DPP6: variants seen among roughly 807,000 people sequenced by gnomAD.
DPP6 encodes dipeptidyl peptidase like 6, also known as A-type potassium channel modulatory protein DPP6.
A neutral mutation model predicts 122.6 loss-of-function variants in DPP6; 69 were observed. That is an observed-to-expected ratio of 0.56 (90% CI 0.46 to 0.69). DPP6 has a LOEUF of 0.69. Among genes scored for constraint, DPP6 ranks in the 30% least tolerant of loss-of-function variants. The pLI, the probability that DPP6 is intolerant of heterozygous loss-of-function variation, is 0.00. For missense variants in DPP6, 928 were observed against 1,116.9 expected, an observed-to-expected ratio of 0.83 and a Z score of 2.41; for synonymous variants, 418 against 433.1, an observed-to-expected ratio of 0.97 and a Z score of 0.43.
intron 1 of DPP6, among the ~76,000 whole-genome samples, chr7:154,280,248 C>T (rs12703339): frequency 0.27 from 40,512 of 152,004 alleles, 5,686 homozygotes; most frequent in Non-Finnish European, 0.31. Context: ...AAAATGCAAA[C>T]GTCACTTGTA....
chr7:154,024,753 C>A (rs199754463), intron 1 of DPP6, among the ~76,000 whole-genome samples: 27 of 150,288 alleles, frequency 1.8e-4, no homozygotes, highest in Middle Eastern at 3.4e-3. Flanking sequence ...GTCCGAGCAG[C>A]GGGGCTTGTC....
intron 10 of DPP6, among the ~76,000 whole-genome samples, chr7:154,787,541 C>T (rs1043470446): frequency 6.6e-6 from 1 of 152,192 alleles, no homozygotes; most frequent in African/African-American, 2.4e-5. Context: ...AATCCCCTGT[C>T]CCTATGCTTC....
chr7:154,579,800 A>G (rs1004856641), intron 5 of DPP6, among the ~76,000 whole-genome samples: 4 of 152,140 alleles, frequency 2.6e-5, no homozygotes, highest in Non-Finnish European at 4.4e-5. Context: ...TGGTTTCTGA[A>G]CTGTGGGAAC....
chr7:154,044,036 C>A (rs1017231504), intron 1 of DPP6, among the ~76,000 whole-genome samples: 2 of 150,770 alleles, frequency 1.3e-5, no homozygotes, highest in African/African-American at 2.4e-5. Context: ...CAAACAGGAC[C>A]CACCTCATCC....
At chr7:154,848,507 G>A (rs1414024163) in intron 16 of DPP6, among the ~76,000 whole-genome samples, 6 of 152,100 alleles carry the variant, frequency 3.9e-5, no homozygotes, top group Non-Finnish European at 7.4e-5. Context: ...TTTTAATAGG[G>A]TTGTTTGTTT....
At chr7:154,336,851 CG>C (rs1156546306) in intron 1 of DPP6, among the ~76,000 whole-genome samples, 2 of 152,010 alleles carry the variant, frequency 1.3e-5, no homozygotes, top group African/African-American at 4.8e-5. Context: ...CAGGATCCCC[CG>C]TGGAGCCTAC....
chr7:154,575,691 GTA>G (rs1348060719), intron 5 of DPP6, among the ~76,000 whole-genome samples: 11 of 142,892 alleles, frequency 7.7e-5, no homozygotes, highest in African/African-American at 2.9e-4. Flanking sequence ...TGTGGTGTGT[GTA>G]TGTGGTGTTT....
rs536742912 is a variant in DPP6 at position 154,833,290 on chromosome 7, G to A, written c.1667-20490G>A. On this transcript the variant is annotated intron_variant, in intron 16 of 25. Transcript: ENST00000377770. The surrounding 1 kb of genome is among the most constrained non-coding windows in gnomAD (Gnocchi z 4.3). ...CAGCAGGAGGACAGTCAAAGGCAGAGGATGGGATGGCAAGGTGTTTAAGAA... is the reference window on the plus strand; with the variant it reads ...CAGCAGGAGGACAGTCAAAGGCAGAAGATGGGATGGCAAGGTGTTTAAGAA... Among the ~76,000 whole-genome samples the A allele has an allele frequency of 1.4e-4, 22 of 152,208 alleles. No homozygotes were observed. The highest frequency in any genetic ancestry group is 5.1e-4 in the African/African-American group (21 of 41,458).
intron 7 of DPP6, among the ~76,000 whole-genome samples, chr7:154,682,705 T>A (rs1839357875): frequency 6.6e-6 from 1 of 152,218 alleles, no homozygotes; most frequent in African/African-American, 2.4e-5. Context: ...GGCTCCTCCT[T>A]TGCAGAATTT....
chr7:154,792,647 GT>G (rs1797752649), intron 10 of DPP6, among the ~76,000 whole-genome samples: 1 of 152,254 alleles, frequency 6.6e-6, no homozygotes, highest in Non-Finnish European at 1.5e-5. Context: ...TGCAAGCCAG[GT>G]TCTGGGGCAG....
intron 1 of DPP6, among the ~76,000 whole-genome samples, chr7:154,147,693 C>T (rs1796181774): frequency 6.6e-6 from 1 of 151,470 alleles, no homozygotes; most frequent in Non-Finnish European, 1.5e-5. Context: ...TGTATATACA[C>T]ACACAAACAC....
At chr7:153,925,273 A>G (rs1778141328) in intron 1 of DPP6, among the ~76,000 whole-genome samples, 2 of 152,052 alleles carry the variant, frequency 1.3e-5, no homozygotes, top group East Asian at 1.9e-4. Flanking sequence ...AAGGTCCCCA[A>G]GGTTCTGATG....
chr7:154,144,088 T>C (rs911280876), intron 1 of DPP6, among the ~76,000 whole-genome samples: 8 of 152,178 alleles, frequency 5.3e-5, no homozygotes, highest in Non-Finnish European at 1.0e-4. Context: ...TTTTTAATTG[T>C]TGCCAACCTA....
At chr7:154,703,376 T>C (rs1840631467) in intron 7 of DPP6, among the ~76,000 whole-genome samples, 1 of 152,158 alleles carries the variant, frequency 6.6e-6, no homozygotes, top group South Asian at 2.1e-4. Flanking sequence ...CCCAGCACTT[T>C]GGGAGGCCGA....
chr7:153,805,831 A>G, the DPP6 span, among the ~76,000 whole-genome samples: 1 of 151,532 alleles, frequency 6.6e-6, no homozygotes, highest in Non-Finnish European at 1.5e-5. Flanking sequence ...GAAGGGGAAC[A>G]TCACACACTG....
chr7:153,835,526 C>T, the DPP6 span, among the ~76,000 whole-genome samples: 1 of 152,144 alleles, frequency 6.6e-6, no homozygotes, highest in Non-Finnish European at 1.5e-5. Flanking sequence ...CAAATGCTCT[C>T]AAGATAGAAT....
chr7:153,823,741 G>A, the DPP6 span, among the ~76,000 whole-genome samples: 12 of 152,004 alleles, frequency 7.9e-5, no homozygotes, highest in Admixed American at 2.0e-4. Context: ...ATTTACAGTC[G>A]TTGAATCTGC....
intron 17 of DPP6, among the ~76,000 whole-genome samples, chr7:154,866,613 G>A (rs1243311039): frequency 6.6e-6 from 1 of 152,184 alleles, no homozygotes; most frequent in Non-Finnish European, 1.5e-5. Flanking sequence ...GTCCTGCAAG[G>A]GACACGTTTC....
chr7:153,888,459 C>G (rs988403848), intron 1 of DPP6, among the ~76,000 whole-genome samples: 4 of 152,158 alleles, frequency 2.6e-5, no homozygotes, highest in Non-Finnish European at 4.4e-5. Context: ...GCCTCCCCAG[C>G]GAGCCCACCC....
Sources: allele counts gnomAD v4.1 joint callset (sites outside exome capture counted in the v4.1 genomes callset), GRCh38; gene constraint gnomAD v4.1.1; non-coding constraint Gnocchi (gnomAD v3.1); transcripts MANE v1.5; gene names NCBI Gene and HGNC (gene_info 2026-07-23, HGNC 2026-07-21).